PCDH15: variants seen among roughly 807,000 people sequenced by gnomAD.
PCDH15 encodes the protein protocadherin related 15.
PCDH15 carries 129 observed loss-of-function variants against 178.5 expected under a neutral mutation model. The observed-to-expected ratio is 0.72, with a 90% confidence interval of 0.63 to 0.84. The LOEUF (loss-of-function observed/expected upper bound fraction) is 0.84, where lower values mean the gene tolerates loss of function less well. PCDH15 is among the 40% of genes least tolerant of loss of function. The pLI, the probability that PCDH15 is intolerant of heterozygous loss-of-function variation, is 0.00. For synonymous variants in PCDH15, 800 were observed against 732.0 expected (o/e 1.09, Z -1.50); for missense variants, 2,230 against 2,099.9 (o/e 1.06, Z -1.21).
chr10:53,872,026 G>T (rs1023531884), intron 26 of PCDH15, among the ~76,000 whole-genome samples: 8 of 152,012 alleles, frequency 5.3e-5, no homozygotes, highest in Non-Finnish European at 1.5e-5. Flanking sequence ...CCTCATTTTT[G>T]AAGCAATTTT....
intron 1 of PCDH15, among the ~76,000 whole-genome samples, chr10:55,222,730 C>CACATATATATAT: frequency 4.1e-5 from 5 of 121,272 alleles, no homozygotes; most frequent in African/African-American, 6.8e-5. Context: ...CACACACACA[C>CACATATATATAT]ATATATATAT....
chr10:54,735,879 G>A (rs113354581), intron 1 of PCDH15, among the ~76,000 whole-genome samples: 2 of 108,802 alleles, frequency 1.8e-5, no homozygotes, highest in South Asian at 3.8e-4. Flanking sequence ...GGTGGGGGGA[G>A]GGGGGAGGGA....
intron 1 of PCDH15, among the ~76,000 whole-genome samples, chr10:54,800,219 T>C (rs1004704262): frequency 2.6e-5 from 4 of 152,144 alleles, no homozygotes; most frequent in African/African-American, 9.7e-5. Context: ...ACCCACTCTA[T>C]AGCTACCAAA....
intron 25 of PCDH15, among the ~76,000 whole-genome samples, chr10:53,903,746 T>G (rs1564730953): frequency 6.6e-6 from 1 of 152,190 alleles, no homozygotes; most frequent in Non-Finnish European, 1.5e-5. Context: ...TATGAAATAG[T>G]AGAAACTGCC....
chr10:54,296,017 C>T (rs1253292981), intron 8 of PCDH15, among the ~76,000 whole-genome samples: 9 of 149,432 alleles, frequency 6.0e-5, no homozygotes, highest in African/African-American at 7.4e-5. Flanking sequence ...TAGTGGCGGG[C>T]GCCTGTGGTC....
chr10:54,025,657 C>T (rs573020457), intron 18 of PCDH15, among the ~76,000 whole-genome samples: 170 of 152,176 alleles, frequency 1.1e-3, no homozygotes, highest in African/African-American at 3.6e-3. Context: ...TGTCACCATG[C>T]CCAGCTAATT....
At chr10:54,191,177 T>C (rs1435801103) in intron 11 of PCDH15, among the ~76,000 whole-genome samples, 1 of 152,174 alleles carries the variant, frequency 6.6e-6, no homozygotes, top group Non-Finnish European at 1.5e-5. Context: ...GTGTTAGTTC[T>C]TCAGCATACA....
chr10:55,190,649 G>A (rs1839923965), intron 1 of PCDH15, among the ~76,000 whole-genome samples: 2 of 151,592 alleles, frequency 1.3e-5, no homozygotes, highest in South Asian at 4.1e-4. Context: ...ATTATAAACA[G>A]ATGTTTAGAA....
rs751914445 is a variant in PCDH15, at chr10:53,822,388, G to T, written c.4368-2158C>A. 29 of 1,571,420 alleles carry T rather than the reference G, an allele frequency of 1.8e-5. No homozygotes were observed. The South Asian group carries it at 2.9e-4, about 16-fold the overall frequency. On this transcript the variant is annotated intron_variant, in intron 32 of 37. Transcript: ENST00000644397. Reference sequence around the variant, plus strand: ...AGAGGGATAGAAGGAGGAGAGGGAGGAGGACAAAAAAGAGAAAAAGGAGAA... The same window carrying T: ...AGAGGGATAGAAGGAGGAGAGGGAGTAGGACAAAAAAGAGAAAAAGGAGAA...
intron 25 of PCDH15, among the ~76,000 whole-genome samples, chr10:53,913,940 A>G (rs185115123): frequency 0.012 from 1,778 of 152,228 alleles, 33 homozygotes; most frequent in African/African-American, 0.039. Context: ...AACACCGTCA[A>G]AAAGTGGGCA....
intron 1 of PCDH15, among the ~76,000 whole-genome samples, chr10:55,270,656 C>T (rs116061739): frequency 0.11 from 16,334 of 151,950 alleles, 1,224 homozygotes; most frequent in East Asian, 0.37. Context: ...ATGCTGATGA[C>T]ACTGCAGAGA....
intron 2 of PCDH15, among the ~76,000 whole-genome samples, chr10:55,147,603 C>T (rs1396241657): frequency 1.3e-5 from 2 of 150,806 alleles, no homozygotes; most frequent in Admixed American, 6.6e-5. Context: ...TTATGTCTCT[C>T]TTTGACTCCT....
intron 16 of PCDH15, 75 bp from the exon 17 acceptor site, chr10:54,079,499 A>C (rs2094402588): frequency 1.5e-6 from 2 of 1,358,790 alleles, no homozygotes; most frequent in Non-Finnish European, 2.1e-6. Flanking sequence ...TAGTATAGTG[A>C]ATTACTTTTG....
At chr10:53,894,685 G>A (rs1321400944) in intron 26 of PCDH15, among the ~76,000 whole-genome samples, 1 of 152,170 alleles carries the variant, frequency 6.6e-6, no homozygotes, top group Non-Finnish European at 1.5e-5. Context: ...CCTCTAAAAT[G>A]TGGTTCTCAA....
At chr10:54,808,957 C>A (rs975268324) in intron 3 of PCDH15, among the ~76,000 whole-genome samples, 247 of 139,328 alleles carry the variant, frequency 1.8e-3, no homozygotes, top group Admixed American at 5.8e-3. Context: ...AAAAAAAAAA[C>A]CAACACAGAT....
At chr10:54,514,902 A>C (rs2137910955) in intron 3 of PCDH15, among the ~76,000 whole-genome samples, 1 of 152,356 alleles carries the variant, frequency 6.6e-6, no homozygotes, top group Middle Eastern at 3.4e-3. Flanking sequence ...AGTGTTCCAT[A>C]AAACTTACTC....
chr10:54,413,094 G>A (rs12146398), intron 3 of PCDH15, among the ~76,000 whole-genome samples: 71,378 of 151,652 alleles, frequency 0.47, 17,489 homozygotes, highest in Non-Finnish European at 0.53. Flanking sequence ...GAAACTTAAA[G>A]TCTAGCAAAT....
At chr10:54,203,351 T>C (rs2050446216) in intron 10 of PCDH15, among the ~76,000 whole-genome samples, 3 of 152,192 alleles carry the variant, frequency 2.0e-5, no homozygotes, top group Admixed American at 2.0e-4. Context: ...TCATAATTAA[T>C]TAGAATTTAG....
At chr10:55,073,573 A>G (rs190266677) in intron 2 of PCDH15, among the ~76,000 whole-genome samples, 54 of 152,264 alleles carry the variant, frequency 3.5e-4, no homozygotes, top group African/African-American at 1.3e-3. Context: ...GAATTTTTAC[A>G]TCTATCTTCA....
Sources: allele counts gnomAD v4.1 joint callset (sites outside exome capture counted in the v4.1 genomes callset), GRCh38; gene constraint gnomAD v4.1.1; transcripts MANE v1.5; gene names NCBI Gene and HGNC (gene_info 2026-07-23, HGNC 2026-07-21).